The following TBC1D1 variants were observed in gnomAD, a reference collection of about 807,000 sequenced individuals.
TBC1D1 encodes TBC1 (tre-2/USP6, BUB2, cdc16) domain family, member 1.
TBC1D1 carries 89 observed loss-of-function variants against 125.6 expected under a neutral mutation model. That is an observed-to-expected ratio of 0.71 (90% confidence interval 0.60 to 0.85). The LOEUF is 0.85. Ranked by LOEUF, TBC1D1 falls within the 40% of genes least tolerant of loss-of-function variation. The probability of loss-of-function intolerance (pLI) is 0.00; values close to 1 mark genes in which losing one functional copy is unlikely to be tolerated. For missense variants in TBC1D1, 1,377 were observed against 1,469.2 expected (o/e 0.94, Z 1.03); for synonymous variants, 565 against 564.1 (o/e 1.00, Z -0.02).
At chr4:37,934,811 T>G (rs1399973936) in intron 2 of TBC1D1, among the ~76,000 whole-genome samples, 1 of 152,204 alleles carries the variant, frequency 6.6e-6, no homozygotes, top group African/African-American at 2.4e-5. Flanking sequence ...GTGGTTTTGC[T>G]GCAGTAACAA....
intron 2 of TBC1D1, among the ~76,000 whole-genome samples, chr4:38,000,361 T>C (rs1423545571): frequency 6.6e-6 from 1 of 152,212 alleles, no homozygotes; most frequent in Non-Finnish European, 1.5e-5. Context: ...GCATTACAGA[T>C]GGAGTATCCC....
rs372584554 is a variant in TBC1D1, at chr4:38,117,865, G to GAAGCACTTGTTGGATGAATTAGTA, written c.2803-167_2803-144dup. Among the ~76,000 whole-genome samples the GAAGCACTTGTTGGATGAATTAGTA allele has an allele frequency of 8.7e-3, 1,322 of 152,302 alleles. 15 individuals are homozygous for GAAGCACTTGTTGGATGAATTAGTA. The highest frequency in any genetic ancestry group is 0.03 in the African/African-American group (1,229 of 41,552). On this transcript the variant is annotated intron_variant, in intron 16 of 19. Transcript: ENST00000261439. ...GTGCCTGGCACCAGCAGGCACTTGG[G>GAAGCACTTGTTGGATGAATTAGTA]AAGCACTTGTTGGATGAATTAGTAG...
At chr4:38,136,819 G>C (rs1766704597) in intron 19 of TBC1D1, among the ~76,000 whole-genome samples, 1 of 152,126 alleles carries the variant, frequency 6.6e-6, no homozygotes, top group South Asian at 2.1e-4. Flanking sequence ...TATCCAAGCT[G>C]TCCCTCTGGT....
At chr4:38,085,485 G>A (rs1334425327) in intron 12 of TBC1D1, among the ~76,000 whole-genome samples, 1 of 152,206 alleles carries the variant, frequency 6.6e-6, no homozygotes, top group Non-Finnish European at 1.5e-5. Context: ...AGTCGGCGGT[G>A]AATATCATTT....
At chr4:38,112,857 C>T (rs1464161951) in intron 15 of TBC1D1, among the ~76,000 whole-genome samples, 1 of 152,180 alleles carries the variant, frequency 6.6e-6, no homozygotes, top group African/African-American at 2.4e-5. Context: ...GATGGCCTGG[C>T]TCTGCCGTTA....
chr4:38,005,209 T>C (rs1739880780), intron 2 of TBC1D1, among the ~76,000 whole-genome samples: 2 of 152,312 alleles, frequency 1.3e-5, no homozygotes, highest in African/African-American at 2.4e-5. Flanking sequence ...GAGATATAAA[T>C]GTGTGCTTTA....
intron 13 of TBC1D1, among the ~76,000 whole-genome samples, chr4:38,091,256 T>G (rs1758377701): frequency 6.6e-6 from 1 of 152,226 alleles, no homozygotes; most frequent in South Asian, 2.1e-4. Flanking sequence ...ACAGTTGGAA[T>G]AGGCTAGTAA....
chr4:38,021,305 A>G (rs546052636), intron 5 of TBC1D1, among the ~76,000 whole-genome samples: 13 of 152,332 alleles, frequency 8.5e-5, no homozygotes, highest in East Asian at 5.8e-4. Context: ...CTCCCATGAC[A>G]TATGGGAATT....
chr4:38,033,171 C>A (rs979147024), intron 7 of TBC1D1, among the ~76,000 whole-genome samples: 2 of 152,120 alleles, frequency 1.3e-5, no homozygotes, highest in African/African-American at 2.4e-5. Flanking sequence ...TATTAATACT[C>A]CTCCTCTTAC....
At chr4:38,051,341 G>C (rs746464959) in intron 11 of TBC1D1, among the ~76,000 whole-genome samples, 2 of 152,154 alleles carry the variant, frequency 1.3e-5, no homozygotes, top group African/African-American at 4.8e-5. Flanking sequence ...CAGGAAATAA[G>C]ACATTGAAAT....
At chr4:38,081,463 C>G (rs946305249) in intron 12 of TBC1D1, among the ~76,000 whole-genome samples, 2 of 152,034 alleles carry the variant, frequency 1.3e-5, no homozygotes, top group Non-Finnish European at 2.9e-5. Flanking sequence ...CCTATTGTTG[C>G]GAGGAGCCCC....
chr4:38,059,914 C>T (rs1752457665), intron 12 of TBC1D1, among the ~76,000 whole-genome samples: 1 of 152,062 alleles, frequency 6.6e-6, no homozygotes, highest in African/African-American at 2.4e-5. Flanking sequence ...TTTGTTGTTC[C>T]CTTTCCTATG....
chr4:38,059,883 G>T (rs918696499), intron 12 of TBC1D1, among the ~76,000 whole-genome samples: 5 of 151,902 alleles, frequency 3.3e-5, no homozygotes, highest in African/African-American at 1.2e-4. Context: ...GCTCCCTGCC[G>T]CCCCCCAACA....
chr4:37,914,605 T>C (rs1295097203), intron 2 of TBC1D1, among the ~76,000 whole-genome samples: 2 of 152,188 alleles, frequency 1.3e-5, no homozygotes, highest in African/African-American at 4.8e-5. Context: ...AAAGACATCT[T>C]CTAAAACCCA....
chr4:37,912,074 T>C (rs1442792179), intron 2 of TBC1D1, among the ~76,000 whole-genome samples: 1 of 152,206 alleles, frequency 6.6e-6, no homozygotes, highest in East Asian at 1.9e-4. Flanking sequence ...CTTTCGCAAG[T>C]CATTCTCTAT....
Position 38,014,467 on chromosome 4 carries a change from C to T in TBC1D1, c.418-42C>T. On this transcript the variant is annotated intron_variant, in intron 2 of 19. Transcript: ENST00000261439. This position sits in a 1 kb window ranked among gnomAD's most constrained non-coding sequence, Gnocchi z 5.1. The stretch of plus-strand genomic sequence containing the variant: ...GTGCATTCATTCCGTGAGTGCCAGC[C>T]ACACTGCATGTTCCAAATAACACGC... 6.3e-7 allele frequency: 1 copy of T among 1,580,612 alleles called. No individual in the cohort carries two copies. The highest frequency in any genetic ancestry group is 8.7e-7 in the Non-Finnish European group (1 of 1,153,990).
At chr4:38,107,236 C>T (rs1761464462) in intron 15 of TBC1D1, among the ~76,000 whole-genome samples, 1 of 152,196 alleles carries the variant, frequency 6.6e-6, no homozygotes, top group African/African-American at 2.4e-5. Context: ...CCCAGGTGCC[C>T]TGCCTGCCCG....
intron 12 of TBC1D1, among the ~76,000 whole-genome samples, chr4:38,086,367 C>T (rs1346452095): frequency 6.6e-6 from 1 of 152,082 alleles, no homozygotes; most frequent in Non-Finnish European, 1.5e-5. Flanking sequence ...GCTACTATGC[C>T]CTCTGCTAAA....
intron 2 of TBC1D1, among the ~76,000 whole-genome samples, chr4:37,993,105 G>C (rs1261486557): frequency 1.3e-5 from 2 of 150,792 alleles, no homozygotes; most frequent in Non-Finnish European, 3.0e-5. Context: ...CGCCCGGCCT[G>C]GTGATTCTTT....
Sources: gnomAD v4.1 joint callset for allele counts (sites outside exome capture counted in the v4.1 genomes callset) on GRCh38, gnomAD v4.1.1 for gene constraint, Gnocchi (gnomAD v3.1) non-coding constraint, MANE v1.5 for transcripts, NCBI Gene and HGNC (gene_info 2026-07-23, HGNC 2026-07-21) for gene names.